The following PKD1L1 variants were observed in gnomAD, a reference collection of about 807,000 sequenced individuals.
PKD1L1 encodes the protein polycystin-1-like protein 1.
PKD1L1 carries 236 observed loss-of-function variants against 323.4 expected under a neutral mutation model. The observed-to-expected ratio is 0.73, with a 90% CI of 0.66 to 0.81. The LOEUF is 0.81. Among genes scored for constraint, PKD1L1 ranks in the 40% least tolerant of loss-of-function variants. PKD1L1 has a pLI of 0.00. For synonymous variants in PKD1L1, 1,344 were observed against 1,335.0 expected (o/e 1.01, Z -0.15); for missense variants, 3,320 against 3,508.0 (o/e 0.95, Z 1.35).
intron 52 of PKD1L1, among the ~76,000 whole-genome samples, chr7:47,807,751 C>T (rs1053945319): frequency 2.6e-5 from 4 of 152,140 alleles, no homozygotes; most frequent in Non-Finnish European, 5.9e-5. Flanking sequence ...GGAACCATTC[C>T]CTGCAGGAAG....
At chr7:47,791,465 T>A (rs1366314506) in intron 56 of PKD1L1, among the ~76,000 whole-genome samples, 1 of 14,430 alleles carries the variant, frequency 6.9e-5, no homozygotes, top group Non-Finnish European at 2.1e-4. Flanking sequence ...AAGAGACATT[T>A]TTTTTTTTTT....
chr7:47,847,007 A>G lies in PKD1L1; in HGVS notation c.5025T>C (p.Tyr1675=). 1.9e-6 allele frequency: 3 copies of G among 1,613,076 alleles called. No individual in the cohort carries two copies. The highest frequency in any genetic ancestry group is 1.1e-5 in the South Asian group (1 of 90,690). Reference sequence around the variant, plus strand: ...CTGTATAGTTCACTGCCTTAGCTAAATATCTGTTTGGAGGTTTTCTGTCAT... The same window carrying G: ...CTGTATAGTTCACTGCCTTAGCTAAGTATCTGTTTGGAGGTTTTCTGTCAT... ...ADYDRKPPNR[Y]LAKAVNYTVH... is the part of the protein sequence containing the mutation. The change falls in exon 32 of 57, where the codon TAT becomes TAC. Residue 1675 remains tyrosine, a synonymous_variant. Coordinates refer to ENST00000289672, the MANE Select transcript of PKD1L1 (RefSeq NM_138295.5).
intron 42 of PKD1L1, 60 bp from the exon 43 acceptor site, chr7:47,830,184 C>G: frequency 7.1e-7 from 1 of 1,411,502 alleles, no homozygotes; most frequent in Non-Finnish European, 9.9e-7. Context: ...ACCCAGCAGT[C>G]ATTGCTGCCT....
Position 47,890,578 on chromosome 7 carries a change from C to T in PKD1L1, c.2639G>A (p.Arg880Gln), listed in dbSNP as rs141028399. 34 of 1,613,970 alleles carry T rather than the reference C, an allele frequency of 2.1e-5. No homozygotes were observed. In the East Asian group the frequency reaches 2.2e-4, roughly 11 times the overall value. ...SSGGRNSSET[R>Q]VFLSPYPDSA... The stretch of plus-strand genomic sequence containing the variant: ...GTCAGGGTAGGGGGACAGGAACACC[C>T]GGGTCTCAGAAGAGTTCCGGCCACC... Residue 880 changes from arginine to glutamine, a missense_variant, in exon 16 of 57, where the codon CGG becomes CAG. Transcript: ENST00000289672.
intron 28 of PKD1L1, among the ~76,000 whole-genome samples, chr7:47,857,274 T>G (rs1785925826): frequency 6.6e-6 from 1 of 152,242 alleles, no homozygotes; most frequent in Non-Finnish European, 1.5e-5. Flanking sequence ...CCAGAATGCT[T>G]GCATAATCAC....
chr7:47,839,593 G>T lies in PKD1L1; in HGVS notation c.5622C>A (p.Gly1874=). Residue 1874 remains glycine (G), a synonymous_variant, in exon 36 of 57, where the codon GGC becomes GGA. Coordinates refer to ENST00000289672, the MANE Select transcript of PKD1L1 (RefSeq NM_138295.5). This position sits in a 1 kb window ranked among gnomAD's most constrained non-coding sequence, Gnocchi z 4.3. ...TCACCATCACGTGGCTGATGAACCA[G>T]CCTGGGGAAGGCCCACGGCTGTCGT... is the stretch of plus-strand genomic sequence containing the variant. The part of the protein sequence containing the change: ...LWHDSRGPSP[G]WFISHVMVKE... 1.3e-6 allele frequency: 2 copies of T among 1,599,338 alleles called. No individual in the cohort carries two copies. The highest frequency in any genetic ancestry group is 1.3e-5 in the African/African-American group (1 of 74,902).
intron 28 of PKD1L1, among the ~76,000 whole-genome samples, chr7:47,855,526 C>T (rs990558799): frequency 6.6e-6 from 1 of 152,042 alleles, no homozygotes; most frequent in Non-Finnish European, 1.5e-5. Context: ...ATTTTAAAAG[C>T]TAATGCAAAA....
intron 52 of PKD1L1, among the ~76,000 whole-genome samples, chr7:47,803,971 T>C (rs1391379330): frequency 6.6e-6 from 1 of 152,128 alleles, no homozygotes; most frequent in Non-Finnish European, 1.5e-5. Context: ...GGAAGGCTGC[T>C]CCCTTCTCCC....
chr7:47,901,427 T>TA (rs929932750), intron 13 of PKD1L1, among the ~76,000 whole-genome samples: 78 of 151,978 alleles, frequency 5.1e-4, no homozygotes, highest in African/African-American at 1.8e-3. Context: ...GTTTTACAGA[T>TA]AAAAAACTCA....
intron 22 of PKD1L1, among the ~76,000 whole-genome samples, chr7:47,876,572 C>T (rs1235235307): frequency 6.6e-6 from 1 of 152,116 alleles, no homozygotes; most frequent in East Asian, 1.9e-4. Context: ...CATCACACAG[C>T]AGGAGGAGCA....
At position 47,930,306 on chromosome 7, in the gene PKD1L1, C is replaced by A. The variant is rs373790824; in HGVS notation, c.738-780G>T. ...AGATCACGGGGTCAGGAGATCGAGA[C>A]CATTCTGGCTAACACGGTGAAACCC... On this transcript the variant is annotated intron_variant, in intron 6 of 56. Transcript: ENST00000289672. 7.2e-5 allele frequency among the ~76,000 whole-genome samples: 11 copies of A among 151,940 alleles called. No individual in the cohort carries two copies. In the East Asian group the frequency reaches 7.7e-4, roughly 11 times the overall value.
chr7:47,813,107 C>T lies in PKD1L1; in HGVS notation c.7346+14G>A, dbSNP rs202004923. On this transcript the variant is annotated intron_variant, in intron 49 of 56. Coordinates refer to ENST00000289672, the MANE Select transcript of PKD1L1 (RefSeq NM_138295.5). Reference sequence around the variant, plus strand: ...GCAGGCAGGATGAGCCCCGGCCCTTCGAATCTCACTGACCTTGTTCTGCCC... The same window carrying T: ...GCAGGCAGGATGAGCCCCGGCCCTTTGAATCTCACTGACCTTGTTCTGCCC... The T allele has an allele frequency of 7.3e-5, 117 of 1,607,920 alleles. No individual in the cohort carries two copies. Among genetic ancestry groups the T allele is most frequent in the Middle Eastern group, 2.1e-4 (1 of 4,840 alleles).
At chr7:47,843,812 G>A (rs1462525132) in intron 33 of PKD1L1, among the ~76,000 whole-genome samples, 1 of 152,140 alleles carries the variant, frequency 6.6e-6, no homozygotes, top group Non-Finnish European at 1.5e-5. Context: ...ATTTGTGATG[G>A]GATCTCAGAG....
chr7:47,808,144 A>C (rs1387840387), intron 52 of PKD1L1, 103 bp downstream of exon 52: 2 of 1,416,060 alleles, frequency 1.4e-6, no homozygotes. Flanking sequence ...GATATCAAAC[A>C]AATCTGTTGT....
chr7:47,880,278 ATATATAT>A (rs1001796094), intron 21 of PKD1L1, among the ~76,000 whole-genome samples: 22 of 73,686 alleles, frequency 3.0e-4, no homozygotes, highest in Non-Finnish European at 4.9e-5. Context: ...ATATATATAT[ATATATAT>A]TTTTTTTTTT....
At chr7:47,929,115 G>GTTTCT in intron 7 of PKD1L1, 89 bp downstream of exon 7, 9 of 1,360,708 alleles carry the variant, frequency 6.6e-6, no homozygotes, top group Non-Finnish European at 9.1e-6. Flanking sequence ...ACGGAATGCA[G>GTTTCT]TTTCTTTTCT....
chr7:47,878,052 C>T (rs1236961675), intron 21 of PKD1L1, among the ~76,000 whole-genome samples: 1 of 152,044 alleles, frequency 6.6e-6, no homozygotes, highest in African/African-American at 2.4e-5. Flanking sequence ...ACCCATTACC[C>T]AGCAGAGCAA....
chr7:47,939,115 C>T (rs1787932602), intron 3 of PKD1L1, among the ~76,000 whole-genome samples: 1 of 152,194 alleles, frequency 6.6e-6, no homozygotes, highest in Non-Finnish European at 1.5e-5. Context: ...GTTCTCAGAA[C>T]CATCAGACGC....
rs11766127 is a variant in PKD1L1 at position 47,939,955 on chromosome 7, G to A, written c.285+238C>T. The stretch of plus-strand genomic sequence containing the variant: ...GGGCTACCCCTCACTCCCCATCTGA[G>A]GGCTATCCCCTACTCCTCTGGGCTG... On this transcript the variant is annotated intron_variant, in intron 3 of 56. Coordinates refer to ENST00000289672, the MANE Select transcript of PKD1L1 (RefSeq NM_138295.5). Among the ~76,000 whole-genome samples, 15,201 of 152,218 alleles carry A rather than the reference G, an allele frequency of 0.1. 877 individuals carry two copies. The highest frequency in any genetic ancestry group is 0.2 in the South Asian group (960 of 4,822).
Sources: gnomAD v4.1 joint callset for allele counts (sites outside exome capture counted in the v4.1 genomes callset) on GRCh38, gnomAD v4.1.1 for gene constraint, Gnocchi (gnomAD v3.1) non-coding constraint, MANE v1.5 for transcripts, NCBI Gene and HGNC (gene_info 2026-07-23, HGNC 2026-07-21) for gene names.